UBE2E2: variants seen among roughly 807,000 people sequenced by gnomAD.
The protein encoded by UBE2E2 is ubiquitin-conjugating enzyme E2 E2.
UBE2E2 carries 6 observed loss-of-function variants against 24.7 expected under a neutral mutation model. That is an observed-to-expected ratio of 0.24 (90% CI 0.13 to 0.48). The LOEUF (loss-of-function observed/expected upper bound fraction) is 0.48, where lower values mean the gene tolerates loss of function less well. Among genes scored for constraint, UBE2E2 ranks in the 20% least tolerant of loss-of-function variants. The pLI is 0.99. For synonymous variants in UBE2E2, 104 were observed against 83.6 expected, an observed-to-expected ratio of 1.24 and a Z score of -1.33; for missense variants, 169 against 245.0, an observed-to-expected ratio of 0.69 and a Z score of 2.07.
chr3:23,431,977 C>T (rs1377506353), intron 3 of UBE2E2, among the ~76,000 whole-genome samples: 1 of 152,126 alleles, frequency 6.6e-6, no homozygotes, highest in Non-Finnish European at 1.5e-5. Context: ...TATGAAACCA[C>T]GTTTATATCT....
At position 23,426,074 on chromosome 3, in the gene UBE2E2, C is replaced by T. The variant is rs187084284; in HGVS notation, c.228-73534C>T. On this transcript the variant is annotated intron_variant, in intron 3 of 5. Transcript: ENST00000396703. The stretch of plus-strand genomic sequence containing the variant: ...CTAAGAAAGAATCAAAAAGAAATGC[C>T]AAAGGTGAAAAACAGTGAAATAAAA... Among the ~76,000 whole-genome samples the T allele has an allele frequency of 2.0e-5, 3 of 152,016 alleles. No homozygotes were observed. The East Asian group carries it at 5.8e-4, about 29-fold the overall frequency.
At chr3:23,559,050 TATA>T (rs1695857456) in intron 5 of UBE2E2, among the ~76,000 whole-genome samples, 1 of 152,176 alleles carries the variant, frequency 6.6e-6, no homozygotes, top group Admixed American at 6.5e-5. Flanking sequence ...ACAAGAGTAA[TATA>T]ATGATTTGCT....
At chr3:23,560,694 G>T (rs1413784015) in intron 5 of UBE2E2, among the ~76,000 whole-genome samples, 4 of 152,014 alleles carry the variant, frequency 2.6e-5, no homozygotes, top group Non-Finnish European at 5.9e-5. Flanking sequence ...CAGTGTAAAA[G>T]CATTCCTATT....
intron 5 of UBE2E2, among the ~76,000 whole-genome samples, chr3:23,564,961 A>G (rs1365803949): frequency 6.6e-6 from 1 of 152,186 alleles, no homozygotes; most frequent in Admixed American, 6.6e-5. Context: ...GAAAAGGTGC[A>G]GTTGTGTGCC....
chr3:23,453,283 A>C (rs750186159), intron 3 of UBE2E2, among the ~76,000 whole-genome samples: 1 of 152,128 alleles, frequency 6.6e-6, no homozygotes. Flanking sequence ...AAAATGAGCA[A>C]CTATTTTTTA....
intron 3 of UBE2E2, among the ~76,000 whole-genome samples, chr3:23,311,622 A>G (rs947983184): frequency 2.0e-5 from 3 of 152,226 alleles, no homozygotes; most frequent in African/African-American, 7.2e-5. Flanking sequence ...CTGGGAAAAA[A>G]AATGGATTGA....
At chr3:23,233,828 A>T (rs11711630) in intron 3 of UBE2E2, among the ~76,000 whole-genome samples, 39,963 of 152,042 alleles carry the variant, frequency 0.26, 5,660 homozygotes, top group Non-Finnish European at 0.32. Flanking sequence ...TGTAGTATTT[A>T]AAAAACTACA....
At chr3:23,341,088 C>T (rs374091439) in intron 3 of UBE2E2, among the ~76,000 whole-genome samples, 8 of 152,130 alleles carry the variant, frequency 5.3e-5, no homozygotes, top group South Asian at 2.1e-4. Flanking sequence ...CTCACAGAAT[C>T]AGGAGCCTTG....
chr3:23,429,808 A>G (rs912391913), intron 3 of UBE2E2, among the ~76,000 whole-genome samples: 7 of 152,248 alleles, frequency 4.6e-5, no homozygotes, highest in African/African-American at 1.2e-4. Flanking sequence ...ACTAATAAGC[A>G]ATTATAGCAA....
At chr3:23,226,868 T>C (rs116747607) in intron 3 of UBE2E2, among the ~76,000 whole-genome samples, 533 of 151,590 alleles carry the variant, frequency 3.5e-3, no homozygotes, top group South Asian at 5.8e-3. Flanking sequence ...ATTTGTAATA[T>C]GGAGTGGAGA....
chr3:23,540,006 A>T lies in UBE2E2; in HGVS notation c.508+7305A>T, dbSNP rs186058701. 7.9e-5 allele frequency among the ~76,000 whole-genome samples: 12 copies of T among 152,274 alleles called. No homozygotes were observed. The East Asian group carries it at 2.1e-3, about 27-fold the overall frequency. ...ATAAGTCCCAGTGTGTCCCTCACCC[A>T]GCTTCAGAACTCACCTATATTTAGT... On this transcript the variant is annotated intron_variant, in intron 5 of 5. Transcript: ENST00000396703.
At chr3:23,356,592 C>A (rs1260377354) in intron 3 of UBE2E2, among the ~76,000 whole-genome samples, 1 of 152,152 alleles carries the variant, frequency 6.6e-6, no homozygotes, top group Non-Finnish European at 1.5e-5. Context: ...GACTCAACTT[C>A]TCATCTTTCT....
intron 3 of UBE2E2, among the ~76,000 whole-genome samples, chr3:23,306,918 A>ATT (rs1559341930): frequency 6.6e-6 from 1 of 152,188 alleles, no homozygotes; most frequent in African/African-American, 2.4e-5. Context: ...TAATTCAGCA[A>ATT]GAGATTAAGC....
chr3:23,240,783 T>C (rs574666390), intron 3 of UBE2E2, among the ~76,000 whole-genome samples: 1 of 152,208 alleles, frequency 6.6e-6, no homozygotes, highest in Non-Finnish European at 1.5e-5. Flanking sequence ...TGGGTCAAAA[T>C]TATTAATCCA....
At chr3:23,397,039 G>A (rs765205674) in intron 3 of UBE2E2, among the ~76,000 whole-genome samples, 1 of 152,156 alleles carries the variant, frequency 6.6e-6, no homozygotes, top group Non-Finnish European at 1.5e-5. Flanking sequence ...CTTTTCCAGT[G>A]TATGATTATG....
At chr3:23,240,670 C>T (rs570067822) in intron 3 of UBE2E2, among the ~76,000 whole-genome samples, 1 of 152,312 alleles carries the variant, frequency 6.6e-6, no homozygotes, top group Admixed American at 6.5e-5. Flanking sequence ...TACGATTATA[C>T]ATTGAATATA....
chr3:23,544,036 G>A (rs1695457578), intron 5 of UBE2E2, among the ~76,000 whole-genome samples: 1 of 152,100 alleles, frequency 6.6e-6, no homozygotes, highest in African/African-American at 2.4e-5. Flanking sequence ...CTTGATTCCT[G>A]TCTCTTACCA....
rs574455323 is a variant in UBE2E2 at position 23,320,538 on chromosome 3, G to A, written c.227+103226G>A. Among the ~76,000 whole-genome samples the A allele has an allele frequency of 2.0e-5, 3 of 152,180 alleles. No homozygotes were observed. The South Asian group carries it at 6.2e-4, about 32-fold the overall frequency. ...CCCTAGGCATCTGCTAATCTACTTTGCCTCTATAGATTTGTCTGTTCTGGG... is the reference window on the plus strand; with the variant it reads ...CCCTAGGCATCTGCTAATCTACTTTACCTCTATAGATTTGTCTGTTCTGGG... On this transcript the variant is annotated intron_variant, in intron 3 of 5. Transcript: ENST00000396703.
At chr3:23,522,306 A>G (rs1038101001) in intron 4 of UBE2E2, among the ~76,000 whole-genome samples, 8 of 151,938 alleles carry the variant, frequency 5.3e-5, no homozygotes, top group African/African-American at 1.7e-4. Context: ...AATTTTGTGC[A>G]TTTTTAGTAG....
Sources: gnomAD v4.1 joint callset for allele counts (sites outside exome capture counted in the v4.1 genomes callset) on GRCh38, gnomAD v4.1.1 for gene constraint, MANE v1.5 for transcripts, NCBI Gene and HGNC (gene_info 2026-07-23, HGNC 2026-07-21) for gene names.